Variants in PPFIBP1 observed in about 807,000 individuals in gnomAD.
PPFIBP1 encodes liprin-beta-1.
Under a neutral mutation model 137.8 loss-of-function variants are expected in PPFIBP1, and 112 were observed. The observed-to-expected ratio is 0.81, with a 90% confidence interval of 0.70 to 0.95. The LOEUF (loss-of-function observed/expected upper bound fraction) is 0.95, where lower values mean the gene tolerates loss of function less well. Ranked by LOEUF, PPFIBP1 falls within the 40% of genes least tolerant of loss-of-function variation. The pLI, the probability that PPFIBP1 is intolerant of heterozygous loss-of-function variation, is 0.00. For missense variants in PPFIBP1, 1,083 were observed against 1,196.6 expected (o/e 0.91, Z 1.40); for synonymous variants, 378 against 417.3 (o/e 0.91, Z 1.15).
intron 1 of PPFIBP1, among the ~76,000 whole-genome samples, chr12:27,570,599 T>C (rs537512040): frequency 6.6e-6 from 1 of 152,282 alleles, no homozygotes; most frequent in African/African-American, 2.4e-5. Context: ...TGTTGTCATA[T>C]GATAGCATAC....
At chr12:27,593,788 T>C in intron 2 of PPFIBP1, 1 of 952,326 alleles carries the variant, frequency 1.1e-6, no homozygotes, top group Non-Finnish European at 1.5e-6. Context: ...ATGTTCAGTT[T>C]GCAAAACTGT....
intron 2 of PPFIBP1, among the ~76,000 whole-genome samples, chr12:27,594,723 A>G (rs544137445): frequency 6.6e-6 from 1 of 152,362 alleles, no homozygotes; most frequent in South Asian, 2.1e-4. Flanking sequence ...TATGAAGACA[A>G]AAACAAACAT....
At chr12:27,613,517 A>G (rs904073244) in intron 2 of PPFIBP1, among the ~76,000 whole-genome samples, 9 of 152,178 alleles carry the variant, frequency 5.9e-5, no homozygotes, top group African/African-American at 2.2e-4. Context: ...AGCCTGGCCA[A>G]CATGGCAAAA....
At chr12:27,686,019 A>G (rs1185708435) in intron 24 of PPFIBP1, among the ~76,000 whole-genome samples, 1 of 152,176 alleles carries the variant, frequency 6.6e-6, no homozygotes, top group Admixed American at 6.5e-5. Flanking sequence ...AACATTGTGC[A>G]TTCAGATATT....
At chr12:27,533,544 T>A (rs116788222) in intron 1 of PPFIBP1, among the ~76,000 whole-genome samples, 1,956 of 152,316 alleles carry the variant, frequency 0.013, 43 homozygotes, top group African/African-American at 0.045. Context: ...AGCCTCTTCA[T>A]AGTCCTACCT....
chr12:27,631,241 C>A (rs1675521475), intron 2 of PPFIBP1, among the ~76,000 whole-genome samples: 1 of 152,124 alleles, frequency 6.6e-6, no homozygotes, highest in Non-Finnish European at 1.5e-5. Flanking sequence ...CTCATGCCTC[C>A]TATTTTTTCA....
chr12:27,615,020 T>C (rs2055587977), intron 2 of PPFIBP1, among the ~76,000 whole-genome samples: 1 of 152,186 alleles, frequency 6.6e-6, no homozygotes, highest in Admixed American at 6.5e-5. Flanking sequence ...AATGAATGAA[T>C]CATGAATAGG....
intron 2 of PPFIBP1, among the ~76,000 whole-genome samples, chr12:27,632,771 T>G (rs2057351151): frequency 6.6e-6 from 1 of 152,332 alleles, no homozygotes; most frequent in South Asian, 2.1e-4. Context: ...GGATAATTTA[T>G]GTAAATGTGT....
At position 27,612,328 on chromosome 12, in the gene PPFIBP1, G is replaced by GGTTTTTT. The variant is rs2055209768; in HGVS notation, c.-35-21034_-35-21033insGTTTTTT. Among the ~76,000 whole-genome samples, 3 of 87,234 alleles carry GGTTTTTT rather than the reference G, an allele frequency of 3.4e-5. 1 individual carries two copies. The Admixed American group carries it at 3.9e-4, about 11-fold the overall frequency. 57.2% of individuals were successfully genotyped at this position (87,234 alleles called of 152,430 possible). A position where few individuals can be genotyped will look rare whatever the true frequency, so the allele number is the denominator to read the frequency against. ...TATGCTCCATCTGTACTTTATTGGT[G>GGTTTTTT]TTTTTTTTTTTTTTTTTTTTTTTGA... is the stretch of plus-strand genomic sequence containing the variant. On this transcript the variant is annotated intron_variant, in intron 2 of 29. Coordinates refer to ENST00000228425, the MANE Select transcript of PPFIBP1 (RefSeq NM_003622.4).
chr12:27,683,476 C>G (rs1167480032), intron 24 of PPFIBP1, among the ~76,000 whole-genome samples: 1 of 152,242 alleles, frequency 6.6e-6, no homozygotes, highest in African/African-American at 2.4e-5. Flanking sequence ...GACCTGACAT[C>G]TTCAAGGACT....
At chr12:27,550,702 A>T (rs1178225103) in intron 1 of PPFIBP1, among the ~76,000 whole-genome samples, 1 of 152,164 alleles carries the variant, frequency 6.6e-6, no homozygotes, top group Non-Finnish European at 1.5e-5. Flanking sequence ...TGTTAAATTA[A>T]CCTTTAAAAT....
At chr12:27,677,929 C>G (rs2060628234) in intron 19 of PPFIBP1, 1 of 152,184 alleles carries the variant, frequency 6.6e-6, no homozygotes, top group Non-Finnish European at 1.5e-5. Flanking sequence ...ACTTCTCTCT[C>G]TATCGATATA....
intron 1 of PPFIBP1, among the ~76,000 whole-genome samples, chr12:27,573,347 G>A (rs1452400231): frequency 6.6e-6 from 1 of 152,044 alleles, no homozygotes; most frequent in Non-Finnish European, 1.5e-5. Context: ...AATATGAAAA[G>A]GCTTCATGAT....
chr12:27,644,490 A>G (rs1364726452), intron 4 of PPFIBP1, among the ~76,000 whole-genome samples: 2 of 152,124 alleles, frequency 1.3e-5, no homozygotes, highest in African/African-American at 4.8e-5. Flanking sequence ...ATGGCTGTTA[A>G]TGTCCATAAT....
chr12:27,680,018 G>A lies in PPFIBP1; in HGVS notation c.1852G>A (p.Gly618Arg). The part of the protein sequence containing the change: ...FKRGGTRATA[G>R]PRLGWSRDLG... ...AAGAGGAGGGACAAGGGCAACCGCGGGGCCCCGATTAGGTTGGTCTCGAGA... is the reference window on the plus strand; with the variant it reads ...AAGAGGAGGGACAAGGGCAACCGCGAGGCCCCGATTAGGTTGGTCTCGAGA... The change falls in exon 21 of 30, where the codon GGG becomes AGG. Residue 618 changes from glycine to arginine, a missense_variant. Coordinates refer to ENST00000228425, the MANE Select transcript of PPFIBP1 (RefSeq NM_003622.4). 6.2e-7 allele frequency: 1 copy of A among 1,614,090 alleles called. No homozygotes were observed. Among genetic ancestry groups the A allele is most frequent in the Non-Finnish European group, 8.5e-7 (1 of 1,179,980 alleles).
chr12:27,661,982 T>G (rs2059582635), intron 11 of PPFIBP1, among the ~76,000 whole-genome samples: 1 of 152,190 alleles, frequency 6.6e-6, no homozygotes, highest in Non-Finnish European at 1.5e-5. Flanking sequence ...TCACTGAAAT[T>G]CATTTTGTTT....
intron 4 of PPFIBP1, among the ~76,000 whole-genome samples, chr12:27,645,539 G>C (rs538333107): frequency 6.6e-6 from 1 of 152,110 alleles, no homozygotes; most frequent in Non-Finnish European, 1.5e-5. Context: ...GTTACCAAAC[G>C]AATTATAGGC....
At chr12:27,640,023 C>A (rs1356963400) in intron 4 of PPFIBP1, among the ~76,000 whole-genome samples, 2 of 152,308 alleles carry the variant, frequency 1.3e-5, no homozygotes, top group East Asian at 1.9e-4. Flanking sequence ...GATTGTATCC[C>A]ATATGTGATC....
chr12:27,673,990 A>G (rs1156870311), intron 16 of PPFIBP1, among the ~76,000 whole-genome samples, 163 bp downstream of exon 16: 1 of 152,232 alleles, frequency 6.6e-6, no homozygotes, highest in African/African-American at 2.4e-5. Context: ...ATTAAGAAGT[A>G]TGAATATGAA....
Sources: allele counts gnomAD v4.1 joint callset (sites outside exome capture counted in the v4.1 genomes callset), GRCh38; gene constraint gnomAD v4.1.1; transcripts MANE v1.5; gene names NCBI Gene and HGNC (gene_info 2026-07-23, HGNC 2026-07-21).